Variants in NFASC observed in about 807,000 individuals in gnomAD.
NFASC encodes the protein neurofascin homolog.
NFASC carries 43 observed loss-of-function variants against 147.5 expected under a neutral mutation model. The ratio of observed to expected loss-of-function variants is 0.29; its 90% CI spans 0.23 to 0.38. NFASC has a LOEUF of 0.38. NFASC is among the 10% of genes least tolerant of loss of function. NFASC has a pLI of 1.00. For synonymous variants in NFASC, 622 were observed against 665.5 expected (o/e 0.93, Z 1.01); for missense variants, 1,320 against 1,689.0 (o/e 0.78, Z 3.83).
intron 2 of NFASC, among the ~76,000 whole-genome samples, chr1:204,931,871 C>G (rs12741286): frequency 6.6e-6 from 1 of 152,112 alleles, no homozygotes; most frequent in Admixed American, 6.6e-5. Context: ...AGATCCTATT[C>G]TAACACAAAA....
Position 205,022,769 on chromosome 1 carries a change from G to T in NFASC, c.*6230G>T, listed in dbSNP as rs1427449495. The T allele has an allele frequency of 6.6e-6, 1 of 152,564 alleles. No homozygotes were observed. The highest frequency in any genetic ancestry group is 1.5e-5 in the Non-Finnish European group (1 of 68,032). 9.5% of individuals were successfully genotyped at this position (152,564 alleles called of 1,614,324 possible). A position where few individuals can be genotyped will look rare whatever the true frequency, so the allele number is the denominator to read the frequency against. ...TTTTTTGAATCACTGTAAAAAAACT[G>T]ATTTCTTTTGTATAGAGAACACTAA... On this transcript the variant is annotated 3_prime_UTR_variant, in exon 30 of 30. Transcript: ENST00000339876.
chr1:204,846,085 C>T (rs1026828689), intron 1 of NFASC, among the ~76,000 whole-genome samples: 9 of 149,244 alleles, frequency 6.0e-5, no homozygotes, highest in African/African-American at 2.2e-4. Context: ...GGCTGGGCGC[C>T]GTGGCTCACA....
rs904986893 is a variant in NFASC at position 205,022,042 on chromosome 1, C to T, written c.*5503C>T. 6.6e-6 allele frequency: 1 copy of T among 152,662 alleles called. No homozygotes were observed. Among genetic ancestry groups the T allele is most frequent in the Non-Finnish European group, 1.5e-5 (1 of 68,054 alleles). The allele number at this position is 152,662 out of a possible 1,614,324, so 9.5% of individuals were successfully genotyped here. On this transcript the variant is annotated 3_prime_UTR_variant, in exon 30 of 30. Transcript: ENST00000339876. Reference sequence around the variant, plus strand: ...GTGCAGAGAGGCAGCAGGGCCCATGCAAGCTGCCACCCTGGGATTTGCTGG... The same window carrying T: ...GTGCAGAGAGGCAGCAGGGCCCATGTAAGCTGCCACCCTGGGATTTGCTGG...
intron 1 of NFASC, among the ~76,000 whole-genome samples, chr1:204,843,922 C>T (rs12217091): frequency 0.12 from 17,996 of 151,962 alleles, 1,605 homozygotes; most frequent in East Asian, 0.45. Flanking sequence ...GTTTTTAGTA[C>T]AGACGGGGTT....
At chr1:204,881,930 C>T (rs951974785) in intron 1 of NFASC, among the ~76,000 whole-genome samples, 1 of 152,132 alleles carries the variant, frequency 6.6e-6, no homozygotes, top group African/African-American at 2.4e-5. Context: ...GATGTCTGAT[C>T]ACCCTGGCCT....
Position 204,986,225 on chromosome 1 carries a change from C to A in NFASC, c.2471-1193C>A. 1 of 765,812 alleles carries A rather than the reference C, an allele frequency of 1.3e-6. No homozygotes were observed. The highest frequency in any genetic ancestry group is 2.2e-6 in the Non-Finnish European group (1 of 453,946). 47.4% of individuals were successfully genotyped at this position (765,812 alleles called of 1,614,324 possible). A position where few individuals can be genotyped will look rare whatever the true frequency, so the allele number is the denominator to read the frequency against. ...CATGGATGGCACAAGGTGACTTCTG[C>A]GAGGCCTCCAGGAGCGGATGACCTG... On this transcript the variant is annotated intron_variant, in intron 21 of 29. Transcript: ENST00000339876. This position sits in a 1 kb window ranked among gnomAD's most constrained non-coding sequence, Gnocchi z 4.2.
chr1:204,896,106 A>G (rs1432398411), intron 1 of NFASC, among the ~76,000 whole-genome samples: 2 of 152,218 alleles, frequency 1.3e-5, no homozygotes, highest in African/African-American at 4.8e-5. Context: ...GCCAAAAGGA[A>G]CAATCTGGAG....
In NFASC at chr1:204,858,991, T is replaced by C. The variant is rs374274871; in HGVS notation, c.-200+30209T>C. On this transcript the variant is annotated intron_variant, in intron 1 of 29. Coordinates refer to ENST00000339876, the MANE Select transcript of NFASC (RefSeq NM_001005388.3). ...TGAATGCACTGACTTTTTTTTTTTT[T>C]TTTTGAGACAGAGTCTTGCTCTGTC... 3.0e-3 allele frequency among the ~76,000 whole-genome samples: 460 copies of C among 151,822 alleles called. 1 individual carries two copies. Among genetic ancestry groups the C allele is most frequent in the African/African-American group, 0.01 (426 of 41,350 alleles).
At chr1:204,913,621 A>T (rs2149355038) in intron 1 of NFASC, among the ~76,000 whole-genome samples, 1 of 152,324 alleles carries the variant, frequency 6.6e-6, no homozygotes, top group South Asian at 2.1e-4. Flanking sequence ...ATACAGTTAG[A>T]TCCCTTCTTC....
At chr1:205,006,463 A>G (rs1449414816) in intron 27 of NFASC, among the ~76,000 whole-genome samples, 1 of 152,196 alleles carries the variant, frequency 6.6e-6, no homozygotes, top group Admixed American at 6.5e-5. Context: ...GGAGGGGTAG[A>G]GTGTGCAAAG....
At chr1:204,908,301 T>G in intron 1 of NFASC, among the ~76,000 whole-genome samples, 1 of 152,148 alleles carries the variant, frequency 6.6e-6, no homozygotes, top group East Asian at 1.9e-4. Flanking sequence ...ATTTTTACAA[T>G]ATTTTCTTCC....
rs562952304 is a variant in NFASC, at chr1:204,851,716, C to T, written c.-200+22934C>T. On this transcript the variant is annotated intron_variant, in intron 1 of 29. Coordinates refer to ENST00000339876, the MANE Select transcript of NFASC (RefSeq NM_001005388.3). ...TAAATGGGGAAAAAGTTGAAATTTG[C>T]CTTTATGCATATAACAATCAACATT... Among the ~76,000 whole-genome samples, 7 of 152,190 alleles carry T rather than the reference C, an allele frequency of 4.6e-5. No individual in the cohort carries two copies. The South Asian group carries it at 1.5e-3, about 32-fold the overall frequency.
At chr1:204,912,865 A>AT (rs58790382) in intron 1 of NFASC, among the ~76,000 whole-genome samples, 65,206 of 151,352 alleles carry the variant, frequency 0.43, 14,400 homozygotes, top group Admixed American at 0.54. Flanking sequence ...CCAAAAAAAA[A>AT]AATAATTTAA....
At chr1:204,911,423 G>T (rs1442889684) in intron 1 of NFASC, among the ~76,000 whole-genome samples, 1 of 152,006 alleles carries the variant, frequency 6.6e-6, no homozygotes, top group Non-Finnish European at 1.5e-5. Context: ...TCAAGATATT[G>T]CCCAGGCTGG....
chr1:204,906,417 C>T (rs922955592), intron 1 of NFASC, among the ~76,000 whole-genome samples: 8 of 152,130 alleles, frequency 5.3e-5, no homozygotes, highest in Admixed American at 1.3e-4. Flanking sequence ...TATTCTGTCT[C>T]TAGGGTTTGC....
At chr1:204,905,917 G>A (rs1392392802) in intron 1 of NFASC, among the ~76,000 whole-genome samples, 1 of 152,118 alleles carries the variant, frequency 6.6e-6, no homozygotes, top group East Asian at 1.9e-4. Flanking sequence ...CCAACATTTG[G>A]TATCATTAGA....
chr1:204,954,256 G>A lies in NFASC; in HGVS notation c.284G>A (p.Arg95Lys). The A allele has an allele frequency of 6.2e-7, 1 of 1,614,220 alleles. No homozygotes were observed. The highest frequency in any genetic ancestry group is 8.5e-7 in the Non-Finnish European group (1 of 1,180,054). The change falls in exon 6 of 30, where the codon AGG becomes AAG. Residue 95 changes from arginine (R) to lysine (K), a missense_variant. Transcript: ENST00000339876. The surrounding 1 kb of genome is among the most constrained non-coding windows in gnomAD (Gnocchi z 5.7). ...AKDPRVSMRR[R>K]SGTLVIDFRS... is the part of the protein sequence containing the mutation. Reference sequence around the variant, plus strand: ...GACCCCCGGGTGTCCATGAGGAGGAGGTCTGGGACCCTGGTGATTGACTTC... The same window carrying A: ...GACCCCCGGGTGTCCATGAGGAGGAAGTCTGGGACCCTGGTGATTGACTTC...
At chr1:204,866,130 G>T (rs560388760) in intron 1 of NFASC, among the ~76,000 whole-genome samples, 2 of 152,168 alleles carry the variant, frequency 1.3e-5, no homozygotes, top group Non-Finnish European at 2.9e-5. Flanking sequence ...CTTGGAGATT[G>T]CTTCTTGCTT....
intron 2 of NFASC, among the ~76,000 whole-genome samples, chr1:204,931,849 C>T (rs925786074): frequency 2.0e-5 from 3 of 152,084 alleles, no homozygotes; most frequent in Non-Finnish European, 4.4e-5. Context: ...CTTCTACTAC[C>T]GGTCAGTCAT....
Sources: allele counts gnomAD v4.1 joint callset (sites outside exome capture counted in the v4.1 genomes callset), GRCh38; gene constraint gnomAD v4.1.1; non-coding constraint Gnocchi (gnomAD v3.1); transcripts MANE v1.5; gene names NCBI Gene and HGNC (gene_info 2026-07-23, HGNC 2026-07-21).